Variants in TBL1XR1 observed in about 807,000 individuals in gnomAD.
TBL1XR1 encodes the protein TBL1X/Y related 1, also known as F-box-like/WD repeat-containing protein TBL1XR1.
Under a neutral mutation model 66.9 loss-of-function variants are expected in TBL1XR1, and 5 were observed. The observed-to-expected ratio is 0.07, with a 90% CI of 0.04 to 0.16. The LOEUF (loss-of-function observed/expected upper bound fraction) is 0.16, where lower values mean the gene tolerates loss of function less well. Among genes scored for constraint, TBL1XR1 ranks in the 10% least tolerant of loss-of-function variants. The pLI, the probability that TBL1XR1 is intolerant of heterozygous loss-of-function variation, is 1.00. For synonymous variants in TBL1XR1, 210 were observed against 206.0 expected, an observed-to-expected ratio of 1.02 and a Z score of -0.17; for missense variants, 238 against 623.2, an observed-to-expected ratio of 0.38 and a Z score of 6.58.
At chr3:177,161,715 T>C (rs914615886) in intron 1 of TBL1XR1, among the ~76,000 whole-genome samples, 3 of 149,730 alleles carry the variant, frequency 2.0e-5, no homozygotes, top group Admixed American at 6.7e-5. Context: ...ACCAGGGAGG[T>C]AGAGGTTGCA....
At chr3:177,072,966 G>A (rs1720235873) in intron 2 of TBL1XR1, among the ~76,000 whole-genome samples, 2 of 151,968 alleles carry the variant, frequency 1.3e-5, no homozygotes, top group Non-Finnish European at 2.9e-5. Context: ...TGGGGGGTTG[G>A]GGCAGGAGAA....
At position 177,162,007 on chromosome 3, in the gene TBL1XR1, T is replaced by G. The variant is rs538492309; in HGVS notation, c.-122+35114A>C. ...AACTAGAACTTACAAACACTGCTAG[T>G]GAAAGAGCAGACTGGCACAATCACT... On this transcript the variant is annotated intron_variant, in intron 1 of 15. Coordinates refer to ENST00000457928, the MANE Select transcript of TBL1XR1 (RefSeq NM_024665.7). Among the ~76,000 whole-genome samples, 16 of 152,294 alleles carry G rather than the reference T, an allele frequency of 1.1e-4. No homozygotes were observed. The South Asian group carries it at 3.3e-3, about 32-fold the overall frequency.
chr3:177,197,782 G>C (rs868833442), upstream of TBL1XR1, among the ~76,000 whole-genome samples: 46 of 147,400 alleles, frequency 3.1e-4, no homozygotes, highest in African/African-American at 1.1e-3. Context: ...GGGCTGTGCG[G>C]CGCATTCTTT....
At chr3:177,170,555 A>G (rs951318658) in intron 1 of TBL1XR1, among the ~76,000 whole-genome samples, 4 of 152,158 alleles carry the variant, frequency 2.6e-5, no homozygotes, top group Non-Finnish European at 5.9e-5. Context: ...CTGGAGCATA[A>G]TAGGCACTCA....
At chr3:177,199,357 GAA>G (rs1737292995), upstream of TBL1XR1, among the ~76,000 whole-genome samples, 1 of 146,650 alleles carries the variant, frequency 6.8e-6, no homozygotes. Context: ...TTTCAGAATT[GAA>G]AAGAGTATAT....
intron 1 of TBL1XR1, among the ~76,000 whole-genome samples, chr3:177,179,117 CAAAAAAA>C (rs71178099): frequency 3.7e-5 from 4 of 107,448 alleles, no homozygotes; most frequent in Admixed American, 1.9e-4. Context: ...AACTACGTCT[CAAAAAAA>C]AAAAAAAAAA....
At chr3:177,122,690 A>G (rs1727121718) in intron 1 of TBL1XR1, among the ~76,000 whole-genome samples, 1 of 152,146 alleles carries the variant, frequency 6.6e-6, no homozygotes, top group East Asian at 1.9e-4. Flanking sequence ...TAAATAAGGC[A>G]GTTGCAAAGA....
At chr3:177,168,329 T>A (rs545367533) in intron 1 of TBL1XR1, among the ~76,000 whole-genome samples, 2 of 151,948 alleles carry the variant, frequency 1.3e-5, no homozygotes, top group South Asian at 4.2e-4. Context: ...TTGCCCAGAT[T>A]GGAGTGCAGT....
intron 3 of TBL1XR1, among the ~76,000 whole-genome samples, chr3:177,057,843 AAAGAAAT>A (rs1296978564): frequency 6.6e-6 from 1 of 152,184 alleles, no homozygotes; most frequent in Middle Eastern, 3.2e-3. Context: ...GAGACTCCAG[AAAGAAAT>A]AAGACTGAAA....
intron 1 of TBL1XR1, among the ~76,000 whole-genome samples, chr3:177,195,848 T>C (rs1471744326): frequency 6.6e-6 from 1 of 152,184 alleles, no homozygotes; most frequent in African/African-American, 2.4e-5. Flanking sequence ...TAGTAAACTT[T>C]CCTAAGTCAA....
At chr3:177,165,940 A>C (rs1732767851) in intron 1 of TBL1XR1, among the ~76,000 whole-genome samples, 1 of 151,776 alleles carries the variant, frequency 6.6e-6, no homozygotes, top group African/African-American at 2.4e-5. Flanking sequence ...TCCACAAAAA[A>C]TTAGCTGGAC....
rs1729521520 is a variant in TBL1XR1 at position 177,140,611 on chromosome 3, G to A, written c.-121-42070C>T. Among the ~76,000 whole-genome samples, 7 of 152,170 alleles carry A rather than the reference G, an allele frequency of 4.6e-5. No individual in the cohort carries two copies. In the South Asian group the frequency reaches 1.4e-3, roughly 31 times the overall value. ...AAAGAAAACACAACACGACCTGGAA[G>A]AAACAGTGGCAGCTGAGTATGAACC... On this transcript the variant is annotated intron_variant, in intron 1 of 15. Coordinates refer to ENST00000457928, the MANE Select transcript of TBL1XR1 (RefSeq NM_024665.7).
intron 1 of TBL1XR1, among the ~76,000 whole-genome samples, chr3:177,104,129 A>AAAAGAGAGAGAGAG (rs754019574): frequency 7.1e-6 from 1 of 141,216 alleles, no homozygotes; most frequent in Non-Finnish European, 1.5e-5. Flanking sequence ...AAAAAAAAAA[A>AAAAGAGAGAGAGAG]AGAGAGAGAG....
chr3:177,097,276 T>C (rs1723615104), intron 2 of TBL1XR1, among the ~76,000 whole-genome samples: 1 of 152,212 alleles, frequency 6.6e-6, no homozygotes, highest in African/African-American at 2.4e-5. Context: ...TATTTATAAA[T>C]GTAAGATGTT....
chr3:177,040,359 T>G (rs945937789), intron 10 of TBL1XR1, among the ~76,000 whole-genome samples: 2 of 152,090 alleles, frequency 1.3e-5, no homozygotes, highest in African/African-American at 4.8e-5. Flanking sequence ...TACTAATTAG[T>G]AGAAATACAA....
intron 2 of TBL1XR1, among the ~76,000 whole-genome samples, chr3:177,081,951 G>C (rs138206007): frequency 1.1e-4 from 16 of 152,162 alleles, no homozygotes; most frequent in African/African-American, 3.6e-4. Context: ...AAGTTAAGGA[G>C]AATTTGATGT....
Position 177,155,455 on chromosome 3 carries a change from A to AT in TBL1XR1, c.-122+41665dup, listed in dbSNP as rs751770078. ...CATGAGTTACCAAAAATGACTCAAG[A>AT]TTTTTTTGATCTATGTTGTTCTGTA... On this transcript the variant is annotated intron_variant, in intron 1 of 15. Coordinates refer to ENST00000457928, the MANE Select transcript of TBL1XR1 (RefSeq NM_024665.7). Among the ~76,000 whole-genome samples, 278 of 152,304 alleles carry AT rather than the reference A, an allele frequency of 1.8e-3. 1 individual carries two copies. The highest frequency in any genetic ancestry group is 3.4e-3 in the Middle Eastern group (1 of 294).
chr3:177,071,487 T>C (rs1018684860), intron 2 of TBL1XR1, among the ~76,000 whole-genome samples: 3 of 152,136 alleles, frequency 2.0e-5, no homozygotes, highest in Admixed American at 6.5e-5. Context: ...CTTGTGTCCA[T>C]GGATTGGTTA....
intron 1 of TBL1XR1, among the ~76,000 whole-genome samples, chr3:177,168,408 A>C (rs1221668170): frequency 6.6e-6 from 1 of 151,438 alleles, no homozygotes; most frequent in Non-Finnish European, 1.5e-5. Flanking sequence ...CAGCCTTCTG[A>C]GTAGCTGGGA....
Sources: allele counts gnomAD v4.1 joint callset (sites outside exome capture counted in the v4.1 genomes callset), GRCh38; gene constraint gnomAD v4.1.1; transcripts MANE v1.5; gene names NCBI Gene and HGNC (gene_info 2026-07-23, HGNC 2026-07-21).